The following HLCS variants were observed in gnomAD, a reference collection of about 807,000 sequenced individuals.
HLCS encodes holocarboxylase synthetase, also known as biotin--protein ligase.
In HLCS, 53 loss-of-function variants were observed where a neutral mutation model predicts 75.0. The ratio of observed to expected loss-of-function variants is 0.71; its 90% confidence interval spans 0.57 to 0.89. HLCS has a LOEUF of 0.89. HLCS is among the 40% of genes least tolerant of loss of function. HLCS has a pLI of 0.00. For missense variants in HLCS, 966 were observed against 1,074.0 expected (o/e 0.90, Z 1.41); for synonymous variants, 431 against 428.6 (o/e 1.01, Z -0.07).
intron 6 of HLCS, among the ~76,000 whole-genome samples, chr21:36,834,521 C>A (rs528372829): frequency 6.6e-6 from 1 of 152,164 alleles, no homozygotes; most frequent in South Asian, 2.1e-4. Flanking sequence ...TTCAGTGGTC[C>A]CACAGATTGA....
Position 36,966,447 on chromosome 21 carries a change from G to A in HLCS, c.192C>T (p.Ser64=). 3 of 392,726 alleles carry A rather than the reference G, an allele frequency of 7.6e-6. No homozygotes were observed. The highest frequency in any genetic ancestry group is 6.8e-6 in the Non-Finnish European group (2 of 293,884). The allele number at this position is 392,726 out of a possible 1,614,324, so 24.3% of individuals were successfully genotyped here. ...RGGRVFCVSD[S]QSIEDLNKWA... Reference sequence around the variant, plus strand: ...CCCGCCCGCCCGACCCGCCCACCTGGCTGTCGCTGACGCAGAAGACGCGGC... The same window carrying A: ...CCCGCCCGCCCGACCCGCCCACCTGACTGTCGCTGACGCAGAAGACGCGGC... The change falls in exon 1 of 11, where the codon AGC becomes AGT. Residue 64 remains serine (S), a synonymous_variant. Transcript: ENST00000674895.
At position 36,938,851 on chromosome 21, in the gene HLCS, C is replaced by T; in HGVS notation, c.474G>A (p.Leu158=). ...ACTTACACACAATCTTTTGGGGTAC[C>T]AGTCCATTATCCATGTGGAGTCTAT... ...MEDRLHMDNG[L]VPQKIVSVHL... Residue 158 remains leucine, a synonymous_variant, in exon 3 of 11, where the codon CTG becomes CTA. Coordinates refer to ENST00000674895, the MANE Select transcript of HLCS (RefSeq NM_001352514.2). 6.2e-7 allele frequency: 1 copy of T among 1,614,070 alleles called. No homozygotes were observed. The highest frequency in any genetic ancestry group is 1.6e-4 in the Middle Eastern group (1 of 6,062).
intron 7 of HLCS, 21 bp from the exon 8 acceptor site, chr21:36,765,193 G>A (rs779369244): frequency 9.3e-6 from 15 of 1,613,860 alleles, no homozygotes; most frequent in Middle Eastern, 1.6e-4. Flanking sequence ...GGCCACAGTG[G>A]GAAACATGCT....
intron 7 of HLCS, 38 bp from the exon 8 acceptor site, chr21:36,765,210 C>T: frequency 3.1e-6 from 5 of 1,609,408 alleles, no homozygotes; most frequent in South Asian, 1.1e-5. Context: ...TGCTACCTTG[C>T]CACGTGGACA....
At chr21:36,966,683 AGCGCCCCAGGCCCGGCCCC>A, upstream of HLCS, 3 of 927,688 alleles carry the variant, frequency 3.2e-6, no homozygotes, top group Non-Finnish European at 3.8e-6. Context: ...CGCCCGCCCC[AGCGCCCCAGGCCCGGCCCC>A]GCCCCGGCCG....
chr21:36,843,141 A>G (rs1002709318), intron 6 of HLCS, among the ~76,000 whole-genome samples: 1 of 152,258 alleles, frequency 6.6e-6, no homozygotes, highest in African/African-American at 2.4e-5. Context: ...TTTAAAAGAA[A>G]TATCTGTTAA....
chr21:36,760,561 G>T (rs1455919482), intron 8 of HLCS, among the ~76,000 whole-genome samples: 1 of 150,592 alleles, frequency 6.6e-6, no homozygotes, highest in Non-Finnish European at 1.5e-5. Flanking sequence ...AGCGAGCCGA[G>T]ATCGTGCCAC....
chr21:36,960,203 T>C (rs1297306540), intron 2 of HLCS, among the ~76,000 whole-genome samples: 2 of 138,198 alleles, frequency 1.4e-5, no homozygotes, highest in Non-Finnish European at 3.0e-5. Flanking sequence ...TTGCCCCTGG[T>C]AGGTGTGCAA....
In HLCS at chr21:36,754,661, C is replaced by T. The variant is rs146368548; in HGVS notation, c.2451-244G>A. 6.6e-5 allele frequency among the ~76,000 whole-genome samples: 10 copies of T among 152,334 alleles called. No homozygotes were observed. In the East Asian group the frequency reaches 7.7e-4, roughly 12 times the overall value. The stretch of plus-strand genomic sequence containing the variant: ...AAGGAGTCGAAATTTCTTCACACAA[C>T]GTCACTCCTCCTAATTCTGGTCATC... On this transcript the variant is annotated intron_variant, in intron 10 of 10. Coordinates refer to ENST00000674895, the MANE Select transcript of HLCS (RefSeq NM_001352514.2).
chr21:36,816,827 A>C (rs1318426163), intron 6 of HLCS, among the ~76,000 whole-genome samples: 1 of 152,230 alleles, frequency 6.6e-6, no homozygotes, highest in East Asian at 1.9e-4. Flanking sequence ...TTCTTGCCTT[A>C]CATCCACAGG....
At chr21:36,891,607 TTGGGAGGTAGACC>T (rs2064789434) in intron 6 of HLCS, among the ~76,000 whole-genome samples, 2 of 152,216 alleles carry the variant, frequency 1.3e-5, no homozygotes, top group South Asian at 4.2e-4. Context: ...CTTCTATATG[TTGGGAGGTAGACC>T]TGGTGTCTGT....
At chr21:36,887,129 CAAA>C (rs11306825) in intron 6 of HLCS, among the ~76,000 whole-genome samples, 19 of 136,294 alleles carry the variant, frequency 1.4e-4, no homozygotes, top group Non-Finnish European at 2.1e-4. Context: ...GATTCTGTCT[CAAA>C]AAAAAAAAAA....
At chr21:36,759,503 G>A (rs953193222) in intron 9 of HLCS, among the ~76,000 whole-genome samples, 1 of 152,238 alleles carries the variant, frequency 6.6e-6, no homozygotes, top group Non-Finnish European at 1.5e-5. Context: ...CCTGTTTGAT[G>A]TGATACCACT....
rs149291867 is a variant in HLCS, at chr21:36,937,021, C to T, written c.865G>A (p.Val289Ile). Residue 289 changes from valine (V) to isoleucine (I), a missense_variant, in exon 4 of 11, where the codon GTT becomes ATT. By Grantham distance (29) the Val-to-Ile change is conservative (BLOSUM62 3). Transcript: ENST00000674895. ...PYDYSSSLES[V>I]ADETSPEREG... ...CTTTCGGGGGAGGTCTCATCAGCAACACTCTCCAAACTGCTGCTATAATCG... is the reference window on the plus strand; with the variant it reads ...CTTTCGGGGGAGGTCTCATCAGCAATACTCTCCAAACTGCTGCTATAATCG... 1,339 of 1,614,110 alleles carry T rather than the reference C, an allele frequency of 8.3e-4. 11 individuals are homozygous for T. The highest frequency in any genetic ancestry group is 5.1e-3 in the Middle Eastern group (31 of 6,062).
chr21:36,826,009 G>A (rs2061996771), intron 6 of HLCS, among the ~76,000 whole-genome samples: 1 of 151,876 alleles, frequency 6.6e-6, no homozygotes, highest in South Asian at 2.1e-4. Flanking sequence ...TGGGTACAAG[G>A]AATTAGAGTA....
Position 36,930,429 on chromosome 21 carries a change from T to G in HLCS, c.1442A>C (p.His481Pro), listed in dbSNP as rs1252318265. The stretch of plus-strand genomic sequence containing the variant: ...GTTGGAGCTGGGAGGTAGTTCTAAG[T>G]GCACCTGAAGGGGAAAGATAGCACT... ...RGGEAVLCQVHLELPPSSNIV... is the reference protein window; with the variant it reads ...RGGEAVLCQVPLELPPSSNIV... Residue 481 changes from histidine to proline, a missense_variant, in exon 5 of 11, where the codon CAC (histidine) becomes CCC (proline). His to Pro is a moderately conservative substitution (Grantham distance 77). Coordinates refer to ENST00000674895, the MANE Select transcript of HLCS (RefSeq NM_001352514.2). 2 of 1,613,626 alleles carry G rather than the reference T, an allele frequency of 1.2e-6. No homozygotes were observed. The highest frequency in any genetic ancestry group is 2.2e-5 in the East Asian group (1 of 44,890).
At chr21:36,954,562 G>A (rs2067832784) in intron 2 of HLCS, among the ~76,000 whole-genome samples, 1 of 151,432 alleles carries the variant, frequency 6.6e-6, no homozygotes, top group Admixed American at 6.6e-5. Flanking sequence ...CTTGCAGCGA[G>A]CCGAGATGCG....
At chr21:36,860,053 A>G (rs759103239) in intron 6 of HLCS, among the ~76,000 whole-genome samples, 2 of 152,224 alleles carry the variant, frequency 1.3e-5, no homozygotes, top group Non-Finnish European at 2.9e-5. Context: ...TAGCTGGATG[A>G]GAATGCTCGG....
intron 1 of HLCS, among the ~76,000 whole-genome samples, chr21:36,982,653 C>T (rs894496878): frequency 6.6e-6 from 1 of 152,340 alleles, no homozygotes; most frequent in East Asian, 1.9e-4. Flanking sequence ...TACAGATCCC[C>T]TATTGTCCAC....
Sources: allele counts gnomAD v4.1 joint callset (sites outside exome capture counted in the v4.1 genomes callset), GRCh38; gene constraint gnomAD v4.1.1; transcripts MANE v1.5; gene names NCBI Gene and HGNC (gene_info 2026-07-23, HGNC 2026-07-21).